The following MMD2 variants were observed in gnomAD, a reference collection of about 807,000 sequenced individuals.
MMD2 encodes monocyte to macrophage differentiation associated 2.
In MMD2, 30 loss-of-function variants were observed where a neutral mutation model predicts 33.5. That is an observed-to-expected ratio of 0.90 (90% CI 0.67 to 1.22). The LOEUF (loss-of-function observed/expected upper bound fraction) is 1.22, where lower values mean the gene tolerates loss of function less well. Among genes scored for constraint, MMD2 ranks in the 50% most tolerant of loss-of-function variants. The pLI, the probability that MMD2 is intolerant of heterozygous loss-of-function variation, is 0.00. For synonymous variants in MMD2, 129 were observed against 123.0 expected (o/e 1.05, Z -0.32); for missense variants, 364 against 325.4 (o/e 1.12, Z -0.91).
At chr7:4,934,485 G>A (rs987586142) in intron 1 of MMD2, among the ~76,000 whole-genome samples, 1 of 152,200 alleles carries the variant, frequency 6.6e-6, no homozygotes, top group Non-Finnish European at 1.5e-5. Flanking sequence ...AGGCAGCCTC[G>A]ACGGTGGGAA....
intron 1 of MMD2, among the ~76,000 whole-genome samples, chr7:4,934,512 C>T (rs915246258): frequency 6.6e-6 from 1 of 152,188 alleles, no homozygotes; most frequent in African/African-American, 2.4e-5. Flanking sequence ...CTCGAAAGAG[C>T]CGACGTTTCC....
intron 6 of MMD2, 82 bp from the exon 7 acceptor site, chr7:4,907,681 A>G: frequency 7.0e-7 from 1 of 1,426,932 alleles, no homozygotes. Flanking sequence ...CCACCACCCA[A>G]AACCAAAAGA....
At chr7:4,916,674 C>T (rs894313250) in intron 3 of MMD2, among the ~76,000 whole-genome samples, 1 of 152,130 alleles carries the variant, frequency 6.6e-6, no homozygotes, top group East Asian at 1.9e-4. Flanking sequence ...TGAGCCACCG[C>T]ACCTGGCCAT....
At position 4,946,092 on chromosome 7, in the gene MMD2, CACACACGCAT is replaced by C. The variant is rs1385795413; in HGVS notation, c.47+12869_47+12878del. Among the ~76,000 whole-genome samples, 7 of 151,788 alleles carry C rather than the reference CACACACGCAT, an allele frequency of 4.6e-5. No homozygotes were observed. The highest frequency in any genetic ancestry group is 1.0e-4 in the Non-Finnish European group (7 of 67,922). Reference sequence around the variant, plus strand: ...ACTCACACGCACGCACACGCACGCACACACACGCATGCACACGCGCACACGCACGCACACA... The same window carrying C: ...ACTCACACGCACGCACACGCACGCACGCACACGCGCACACGCACGCACACA... On this transcript the variant is annotated intron_variant, in intron 1 of 6. Transcript: ENST00000401401. This position sits in a 1 kb window ranked among gnomAD's most constrained non-coding sequence, Gnocchi z 5.0.
chr7:4,900,221 C>T, the MMD2 span, among the ~76,000 whole-genome samples: 1 of 151,952 alleles, frequency 6.6e-6, no homozygotes, highest in Non-Finnish European at 1.5e-5. Flanking sequence ...CTGAGTGCAC[C>T]ACTGCACTCC....
intron 6 of MMD2, among the ~76,000 whole-genome samples, chr7:4,909,341 A>T (rs1022703609): frequency 3.3e-5 from 5 of 151,612 alleles, no homozygotes; most frequent in Admixed American, 6.6e-5. Flanking sequence ...CTCATAGAAT[A>T]GGAGGGAATT....
At chr7:4,942,081 G>C (rs1004948147) in intron 1 of MMD2, among the ~76,000 whole-genome samples, 1 of 151,156 alleles carries the variant, frequency 6.6e-6, no homozygotes, top group African/African-American at 2.4e-5. Flanking sequence ...AGCCTCCCGA[G>C]TACCTGGGAC....
the MMD2 span, among the ~76,000 whole-genome samples, chr7:4,896,803 C>T: frequency 3.0e-4 from 45 of 152,194 alleles, no homozygotes; most frequent in East Asian, 8.5e-3. Context: ...TACTCCACCC[C>T]CATTTATATC....
intron 1 of MMD2, among the ~76,000 whole-genome samples, chr7:4,939,273 C>A (rs556620833): frequency 1.3e-5 from 2 of 151,704 alleles, no homozygotes; most frequent in South Asian, 4.2e-4. Flanking sequence ...AGGCTGGGCC[C>A]GGTGGCTCGT....
chr7:4,921,339 G>A (rs1785278838), intron 2 of MMD2, among the ~76,000 whole-genome samples: 2 of 152,106 alleles, frequency 1.3e-5, no homozygotes, highest in African/African-American at 2.4e-5. Context: ...AGTGGATGGC[G>A]GCCAGGTGCG....
chr7:4,947,692 CTTTTTTTTTTTTTTT>C (rs71033002), intron 1 of MMD2, among the ~76,000 whole-genome samples: 2 of 35,886 alleles, frequency 5.6e-5, no homozygotes, highest in East Asian at 2.7e-3. Context: ...TGCACCTGGC[CTTTTTTTTTTTTTTT>C]TTTTTTTTTT....
chr7:4,912,555 C>G (rs1215414978), intron 4 of MMD2, among the ~76,000 whole-genome samples: 2 of 146,768 alleles, frequency 1.4e-5, no homozygotes, highest in Non-Finnish European at 3.0e-5. Flanking sequence ...GAGCAAGACT[C>G]TGTCTCAAAA....
chr7:4,924,350 C>T (rs913822393), intron 2 of MMD2, among the ~76,000 whole-genome samples: 7 of 152,230 alleles, frequency 4.6e-5, no homozygotes, highest in East Asian at 1.9e-4. Flanking sequence ...CAATAGCCCC[C>T]GGGGTCTAAC....
At chr7:4,918,875 A>C (rs1785205930) in intron 3 of MMD2, among the ~76,000 whole-genome samples, 1 of 152,110 alleles carries the variant, frequency 6.6e-6, no homozygotes, top group African/African-American at 2.4e-5. Context: ...AGGAGGGCAG[A>C]TCGCCTGAGC....
At chr7:4,927,655 C>T (rs1458182158) in intron 1 of MMD2, among the ~76,000 whole-genome samples, 1 of 152,018 alleles carries the variant, frequency 6.6e-6, no homozygotes, top group African/African-American at 2.4e-5. Context: ...TGCAGTGAGC[C>T]GAGATTGTGC....
intron 3 of MMD2, among the ~76,000 whole-genome samples, chr7:4,918,287 G>C (rs544933028): frequency 7.6e-4 from 115 of 152,296 alleles, no homozygotes; most frequent in African/African-American, 2.5e-3. Flanking sequence ...CTGTGGCTCT[G>C]TCTAGCAAAG....
At chr7:4,902,395 G>A (rs1161213488), downstream of MMD2, among the ~76,000 whole-genome samples, 2 of 152,214 alleles carry the variant, frequency 1.3e-5, no homozygotes, top group African/African-American at 4.8e-5. Flanking sequence ...TCAACGCTTT[G>A]CTCCGCTGGT....
intron 1 of MMD2, among the ~76,000 whole-genome samples, chr7:4,934,226 G>A (rs558973346): frequency 5.9e-4 from 89 of 152,074 alleles, no homozygotes; most frequent in Non-Finnish European, 1.1e-3. Flanking sequence ...CACTATGCCC[G>A]GCCCACAATG....
Position 4,946,226 on chromosome 7 carries a change from TACACGCAC to T in MMD2, c.47+12737_47+12744del, listed in dbSNP as rs1562494572. ...ACACGCATGCACACACATGCACACATACACGCACACACACGCACACCCCACCCCGTGCA... is the reference window on the plus strand; with the variant it reads ...ACACGCATGCACACACATGCACACATACACACGCACACCCCACCCCGTGCA... On this transcript the variant is annotated intron_variant, in intron 1 of 6. Coordinates refer to ENST00000401401, the MANE Select transcript of MMD2 (RefSeq NM_198403.4). This position sits in a 1 kb window ranked among gnomAD's most constrained non-coding sequence, Gnocchi z 5.0. 6.9e-6 allele frequency among the ~76,000 whole-genome samples: 1 copy of T among 145,510 alleles called. No individual in the cohort carries two copies. The highest frequency in any genetic ancestry group is 2.0e-4 in the East Asian group (1 of 4,894).
Sources: allele counts gnomAD v4.1 joint callset (sites outside exome capture counted in the v4.1 genomes callset), GRCh38; gene constraint gnomAD v4.1.1; non-coding constraint Gnocchi (gnomAD v3.1); transcripts MANE v1.5; gene names NCBI Gene and HGNC (gene_info 2026-07-23, HGNC 2026-07-21).